Variants in LRRC4C observed in about 807,000 individuals in gnomAD.
The protein encoded by LRRC4C is leucine rich repeat containing 4C, also known as leucine-rich repeat-containing protein 4C.
Under a neutral mutation model 33.6 loss-of-function variants are expected in LRRC4C, and 5 were observed. The ratio of observed to expected loss-of-function variants is 0.15; its 90% confidence interval spans 0.08 to 0.31. The LOEUF is 0.31. Ranked by LOEUF, LRRC4C falls within the 10% of genes least tolerant of loss-of-function variation. The pLI is 1.00. For synonymous variants in LRRC4C, 329 were observed against 302.0 expected (o/e 1.09, Z -0.93); for missense variants, 560 against 796.7 (o/e 0.70, Z 3.58).
At chr11:41,418,009 C>G (rs1224475824) in intron 1 of LRRC4C, among the ~76,000 whole-genome samples, 2 of 147,290 alleles carry the variant, frequency 1.4e-5, no homozygotes, top group East Asian at 3.9e-4. Context: ...CACACATAGA[C>G]CCCCCCACAC....
chr11:40,212,071 T>A (rs118130187), intron 5 of LRRC4C, among the ~76,000 whole-genome samples: 1 of 152,214 alleles, frequency 6.6e-6, no homozygotes, highest in Non-Finnish European at 1.5e-5. Context: ...GTAAAGTTCA[T>A]ATGTCACGTG....
At chr11:40,965,545 A>G (rs1851291090) in intron 1 of LRRC4C, among the ~76,000 whole-genome samples, 1 of 152,166 alleles carries the variant, frequency 6.6e-6, no homozygotes, top group Admixed American at 6.6e-5. Flanking sequence ...TAATTTTTGT[A>G]TAAGGTGTAA....
chr11:40,248,204 G>C (rs1165995639), intron 4 of LRRC4C, among the ~76,000 whole-genome samples: 1 of 152,042 alleles, frequency 6.6e-6, no homozygotes, highest in Non-Finnish European at 1.5e-5. Context: ...CTTCTATAAA[G>C]CTTTTTTCAA....
chr11:41,309,956 C>A (rs541113135), intron 1 of LRRC4C, among the ~76,000 whole-genome samples: 2 of 152,320 alleles, frequency 1.3e-5, no homozygotes, highest in South Asian at 4.2e-4. Context: ...TCTTCAACTG[C>A]GCTTTGATGT....
At chr11:40,721,252 A>C (rs1001098243) in intron 2 of LRRC4C, among the ~76,000 whole-genome samples, 1 of 152,170 alleles carries the variant, frequency 6.6e-6, no homozygotes, top group Non-Finnish European at 1.5e-5. Context: ...TTTTGATGAA[A>C]TTAGGGCCCT....
At chr11:40,421,010 T>C (rs1296713713) in intron 3 of LRRC4C, among the ~76,000 whole-genome samples, 1 of 152,214 alleles carries the variant, frequency 6.6e-6, no homozygotes, top group Non-Finnish European at 1.5e-5. Flanking sequence ...TTAGTTCTCA[T>C]AAGTATCCAG....
intron 1 of LRRC4C, among the ~76,000 whole-genome samples, chr11:40,944,757 T>C (rs1330740381): frequency 6.6e-6 from 1 of 152,218 alleles, no homozygotes; most frequent in East Asian, 1.9e-4. Context: ...TTTTGCATGG[T>C]CTTAGAGTAT....
At chr11:40,820,554 T>G (rs184918330) in intron 2 of LRRC4C, among the ~76,000 whole-genome samples, 1 of 152,062 alleles carries the variant, frequency 6.6e-6, no homozygotes, top group Admixed American at 6.6e-5. Flanking sequence ...TCTTTGAAAA[T>G]AAATTCATTT....
intron 2 of LRRC4C, among the ~76,000 whole-genome samples, chr11:40,915,158 C>T (rs1956891590): frequency 6.6e-6 from 1 of 152,106 alleles, no homozygotes; most frequent in Non-Finnish European, 1.5e-5. Context: ...CTCCATCAAG[C>T]TACCAATGAC....
At chr11:40,697,865 A>T (rs557713269) in intron 2 of LRRC4C, among the ~76,000 whole-genome samples, 3 of 151,980 alleles carry the variant, frequency 2.0e-5, no homozygotes, top group Non-Finnish European at 4.4e-5. Context: ...GTCAGGAGAT[A>T]GAGACCATCC....
rs574455909 is a variant in LRRC4C, at chr11:40,700,743, A to G, written c.-406-52465T>C. ...TACAAATGCACTTTCCACTAAAACA[A>G]ATATCTCTGTATTGGATCCATTTTA... is the stretch of plus-strand genomic sequence containing the variant. On this transcript the variant is annotated intron_variant, in intron 2 of 6. Coordinates refer to ENST00000528697, the MANE Select transcript of LRRC4C (RefSeq NM_001258419.2). 6.6e-5 allele frequency among the ~76,000 whole-genome samples: 10 copies of G among 152,222 alleles called. No homozygotes were observed. In the South Asian group the frequency reaches 2.1e-3, roughly 32 times the overall value.
At chr11:40,250,300 G>A (rs899800883) in intron 4 of LRRC4C, among the ~76,000 whole-genome samples, 2 of 151,850 alleles carry the variant, frequency 1.3e-5, no homozygotes, top group Admixed American at 1.3e-4. Flanking sequence ...GAAAGATACC[G>A]AAATTCTGTT....
chr11:40,723,676 C>A (rs1329798161), intron 2 of LRRC4C, among the ~76,000 whole-genome samples: 1 of 152,106 alleles, frequency 6.6e-6, no homozygotes, highest in Non-Finnish European at 1.5e-5. Context: ...ACATTACCCA[C>A]AGACTCTATA....
chr11:40,817,381 T>C (rs1951750084), intron 2 of LRRC4C, among the ~76,000 whole-genome samples: 1 of 152,150 alleles, frequency 6.6e-6, no homozygotes, highest in African/African-American at 2.4e-5. Flanking sequence ...TAATTAGTAG[T>C]TTTTCAGATC....
At chr11:41,093,532 G>GCTCTTTATTCTTTCTTCTAGAATATTT (rs1940581818) in intron 1 of LRRC4C, among the ~76,000 whole-genome samples, 1 of 151,946 alleles carries the variant, frequency 6.6e-6, no homozygotes, top group Non-Finnish European at 1.5e-5. Context: ...TATACTATTT[G>GCTCTTTATTCTTTCTTCTAGAATATTT]CTCTTTATTC....
At chr11:40,561,981 TTATTAGA>T (rs1279417601) in intron 3 of LRRC4C, among the ~76,000 whole-genome samples, 3 of 152,160 alleles carry the variant, frequency 2.0e-5, no homozygotes, top group South Asian at 2.1e-4. Flanking sequence ...ACAAACATAG[TTATTAGA>T]TATTATATTG....
chr11:40,704,899 T>C (rs532312797), intron 2 of LRRC4C, among the ~76,000 whole-genome samples: 18 of 152,138 alleles, frequency 1.2e-4, no homozygotes, highest in Non-Finnish European at 2.4e-4. Flanking sequence ...TTTAATACAA[T>C]TGAAGAGAAA....
intron 4 of LRRC4C, among the ~76,000 whole-genome samples, chr11:40,256,740 T>C (rs776677247): frequency 2.0e-5 from 3 of 152,188 alleles, no homozygotes; most frequent in Non-Finnish European, 4.4e-5. Context: ...CCTGCAGATG[T>C]AGAATCTTTC....
intron 2 of LRRC4C, among the ~76,000 whole-genome samples, chr11:40,775,510 T>C (rs1182432039): frequency 1.3e-5 from 2 of 152,220 alleles, no homozygotes; most frequent in East Asian, 3.9e-4. Flanking sequence ...AGATGCATTT[T>C]TAGTTATTTT....
Sources: allele counts gnomAD v4.1 joint callset (sites outside exome capture counted in the v4.1 genomes callset), GRCh38; gene constraint gnomAD v4.1.1; transcripts MANE v1.5; gene names NCBI Gene and HGNC (gene_info 2026-07-23, HGNC 2026-07-21).